The following BCAS3 variants were observed in gnomAD, a reference collection of about 807,000 sequenced individuals.
The protein encoded by BCAS3 is BCAS4/BCAS3 fusion.
A neutral mutation model predicts 116.1 loss-of-function variants in BCAS3; 53 were observed. The observed-to-expected ratio is 0.46, with a 90% confidence interval of 0.37 to 0.57. The LOEUF is 0.57. Among genes scored for constraint, BCAS3 ranks in the 20% least tolerant of loss-of-function variants. The pLI is 0.00. For synonymous variants in BCAS3, 391 were observed against 408.2 expected (o/e 0.96, Z 0.51); for missense variants, 917 against 1,165.4 (o/e 0.79, Z 3.10).
intron 12 of BCAS3, among the ~76,000 whole-genome samples, chr17:60,910,907 A>G (rs2145099137): frequency 6.6e-6 from 1 of 152,294 alleles, no homozygotes; most frequent in East Asian, 1.9e-4. Context: ...ATCAAACCTG[A>G]AGGTAAAGTC....
chr17:60,793,946 T>G (rs1480976574), intron 6 of BCAS3, among the ~76,000 whole-genome samples: 1 of 152,216 alleles, frequency 6.6e-6, no homozygotes, highest in African/African-American at 2.4e-5. Context: ...CTGGATCAAA[T>G]GGTCGTTCTA....
chr17:60,978,901 T>A (rs1383412066), intron 14 of BCAS3, among the ~76,000 whole-genome samples: 1 of 142,248 alleles, frequency 7.0e-6, no homozygotes. Flanking sequence ...TTTTGGTTAC[T>A]GTAGCCTTGT....
intron 3 of BCAS3, among the ~76,000 whole-genome samples, chr17:60,685,547 C>T (rs1264313335): frequency 1.3e-5 from 2 of 151,666 alleles, no homozygotes; most frequent in African/African-American, 2.4e-5. Context: ...AGTTACTGAA[C>T]CTTTCTAAAC....
intron 5 of BCAS3, among the ~76,000 whole-genome samples, chr17:60,737,811 A>C (rs977747725): frequency 6.6e-6 from 1 of 150,998 alleles, no homozygotes; most frequent in Non-Finnish European, 1.5e-5. Context: ...TTTGAGATGG[A>C]GTCTCACTCT....
At chr17:61,238,227 GTT>G (rs34208664) in intron 22 of BCAS3, among the ~76,000 whole-genome samples, 5 of 141,238 alleles carry the variant, frequency 3.5e-5, no homozygotes, top group Middle Eastern at 3.6e-3. Flanking sequence ...AGTTTTTCGG[GTT>G]TTTTTTTTTT....
At chr17:60,978,983 C>A (rs1187187577) in intron 14 of BCAS3, among the ~76,000 whole-genome samples, 29 of 138,534 alleles carry the variant, frequency 2.1e-4, no homozygotes, top group Non-Finnish European at 3.7e-4. Context: ...CTTGGCGATG[C>A]GGGCTCTTTT....
intron 5 of BCAS3, among the ~76,000 whole-genome samples, chr17:60,711,842 C>T (rs1397216989): frequency 6.6e-6 from 1 of 151,860 alleles, no homozygotes; most frequent in Non-Finnish European, 1.5e-5. Flanking sequence ...CACTTGAGGT[C>T]AGCAGTTTGA....
intron 5 of BCAS3, among the ~76,000 whole-genome samples, chr17:60,711,657 T>TAGAGTAA (rs2037941181): frequency 6.6e-6 from 1 of 152,230 alleles, no homozygotes; most frequent in African/African-American, 2.4e-5. Context: ...AATTAAGGTC[T>TAGAGTAA]TTATTTCTCC....
At chr17:60,913,410 T>C (rs1250688750) in intron 12 of BCAS3, among the ~76,000 whole-genome samples, 1 of 152,054 alleles carries the variant, frequency 6.6e-6, no homozygotes, top group East Asian at 1.9e-4. Flanking sequence ...AAAAAATATA[T>C]ATAATTTGTA....
At chr17:61,143,126 T>A (rs1037297016) in intron 22 of BCAS3, among the ~76,000 whole-genome samples, 1 of 152,238 alleles carries the variant, frequency 6.6e-6, no homozygotes, top group Admixed American at 6.5e-5. Context: ...ATTTTTCTTA[T>A]GAGTAAGTTC....
chr17:61,296,299 T>G (rs909373023), intron 22 of BCAS3, among the ~76,000 whole-genome samples: 3 of 152,174 alleles, frequency 2.0e-5, no homozygotes, highest in Non-Finnish European at 2.9e-5. Context: ...GATGAAACAG[T>G]TGCTGGTAAA....
At chr17:61,138,252 G>A (rs1487848747) in intron 22 of BCAS3, among the ~76,000 whole-genome samples, 1 of 152,110 alleles carries the variant, frequency 6.6e-6, no homozygotes, top group African/African-American at 2.4e-5. Context: ...TAGTTGATGT[G>A]GCTATTGGCT....
At chr17:61,216,100 A>C (rs1324850993) in intron 22 of BCAS3, among the ~76,000 whole-genome samples, 1 of 152,194 alleles carries the variant, frequency 6.6e-6, no homozygotes, top group Non-Finnish European at 1.5e-5. Flanking sequence ...CCTGATAGTC[A>C]TATCACTTCC....
In BCAS3 at chr17:61,088,642, A is replaced by G. The variant is rs914113451; in HGVS notation, c.2425+4078A>G. Among the ~76,000 whole-genome samples, 12 of 152,246 alleles carry G rather than the reference A, an allele frequency of 7.9e-5. No homozygotes were observed. The highest frequency in any genetic ancestry group is 1.2e-4 in the Non-Finnish European group (8 of 68,046). On this transcript the variant is annotated intron_variant, in intron 22 of 23. Coordinates refer to ENST00000407086, the MANE Select transcript of BCAS3 (RefSeq NM_017679.5). The surrounding 1 kb of genome is among the most constrained non-coding windows in gnomAD (Gnocchi z 4.2). ...GTTCCAAAACTTGAAGGCTATACCT[A>G]ATAGATAACCTTTCCTTGCTTCTGA...
chr17:60,835,699 A>G (rs955354216), intron 7 of BCAS3, among the ~76,000 whole-genome samples: 2 of 152,110 alleles, frequency 1.3e-5, no homozygotes, highest in African/African-American at 4.8e-5. Context: ...AGTTTTACCT[A>G]CATCATAGGG....
In BCAS3 at chr17:61,243,272, C is replaced by T. The variant is rs149484962; in HGVS notation, c.2426-125055C>T. On this transcript the variant is annotated intron_variant, in intron 22 of 23. Transcript: ENST00000407086. This position sits in a 1 kb window ranked among gnomAD's most constrained non-coding sequence, Gnocchi z 5.6. ...GAGATACGTATATACCTATCCATCACCTCCAAAAGTTACCTGCTGCTCTGG... is the reference window on the plus strand; with the variant it reads ...GAGATACGTATATACCTATCCATCATCTCCAAAAGTTACCTGCTGCTCTGG... 1.9e-3 allele frequency among the ~76,000 whole-genome samples: 293 copies of T among 152,318 alleles called. No individual in the cohort carries two copies. The highest frequency in any genetic ancestry group is 6.9e-3 in the African/African-American group (286 of 41,566).
In BCAS3 at chr17:61,106,262, C is replaced by G. The variant is rs2074643538; in HGVS notation, c.2425+21698C>G. Among the ~76,000 whole-genome samples, 1 of 152,186 alleles carries G rather than the reference C, an allele frequency of 6.6e-6. No homozygotes were observed. The highest frequency in any genetic ancestry group is 2.4e-5 in the African/African-American group (1 of 41,458). On this transcript the variant is annotated intron_variant, in intron 22 of 23. Transcript: ENST00000407086. The surrounding 1 kb of genome is among the most constrained non-coding windows in gnomAD (Gnocchi z 4.2). ...AGTCATGTATGGCATAGTGACCTTT[C>G]AGTCAACAGTGGACCTTATATGCTC...
chr17:61,270,641 A>G (rs1160718276), intron 22 of BCAS3, among the ~76,000 whole-genome samples: 1 of 152,076 alleles, frequency 6.6e-6, no homozygotes, highest in Non-Finnish European at 1.5e-5. Flanking sequence ...CGCTTTTGTT[A>G]TCATATGTTA....
At chr17:60,948,136 G>A (rs1306655767) in intron 14 of BCAS3, among the ~76,000 whole-genome samples, 1 of 151,060 alleles carries the variant, frequency 6.6e-6, no homozygotes, top group Non-Finnish European at 1.5e-5. Context: ...TTGGAGTCTC[G>A]CTCTGTTGCC....
Sources: gnomAD v4.1 joint callset for allele counts (sites outside exome capture counted in the v4.1 genomes callset) on GRCh38, gnomAD v4.1.1 for gene constraint, Gnocchi (gnomAD v3.1) non-coding constraint, MANE v1.5 for transcripts, NCBI Gene and HGNC (gene_info 2026-07-23, HGNC 2026-07-21) for gene names.